The following ASXL3 variants were observed in gnomAD, a reference collection of about 807,000 sequenced individuals.
ASXL3 encodes the protein ASXL transcriptional regulator 3, also known as putative Polycomb group protein ASXL3.
Under a neutral mutation model 170.6 loss-of-function variants are expected in ASXL3, and 34 were observed. That is an observed-to-expected ratio of 0.20 (90% CI 0.15 to 0.27). The LOEUF (loss-of-function observed/expected upper bound fraction) is 0.27. ASXL3 is among the 10% of genes least tolerant of loss of function. The pLI, the probability that ASXL3 is intolerant of heterozygous loss-of-function variation, is 1.00. For missense variants in ASXL3, 2,592 were observed against 2,695.3 expected (o/e 0.96, Z 0.85); for synonymous variants, 1,002 against 989.1 (o/e 1.01, Z -0.24).
chr18:33,586,227 A>G (rs1428256966), intron 1 of ASXL3, among the ~76,000 whole-genome samples: 1 of 152,114 alleles, frequency 6.6e-6, no homozygotes, highest in Non-Finnish European at 1.5e-5. Flanking sequence ...ATGTCAAAAT[A>G]AATTACTACA....
rs1483332982 is a variant in ASXL3, at chr18:33,740,030, G to A, written c.2626G>A (p.Val876Met). The A allele has an allele frequency of 6.2e-7, 1 of 1,613,834 alleles. No homozygotes were observed. Reference protein sequence around the residue: ...HSVLQRTEKKVLPSPLELSVF... With the variant: ...HSVLQRTEKKMLPSPLELSVF... ...CGTCCTGCAAAGAACAGAAAAAAAAGTGTTACCTTCACCATTGGAATTATC... is the reference window on the plus strand; with the variant it reads ...CGTCCTGCAAAGAACAGAAAAAAAAATGTTACCTTCACCATTGGAATTATC... The change falls in exon 11 of 12, where the codon GTG (valine) becomes ATG (methionine). Residue 876 changes from valine to methionine, a missense_variant. Transcript: ENST00000269197.
intron 8 of ASXL3, among the ~76,000 whole-genome samples, chr18:33,704,595 C>T (rs777274074): frequency 6.6e-6 from 1 of 151,948 alleles, no homozygotes; most frequent in Non-Finnish European, 1.5e-5. Flanking sequence ...AATCTAGAAG[C>T]AGTCAGATAT....
chr18:33,580,856 C>T (rs987442968), intron 1 of ASXL3, among the ~76,000 whole-genome samples: 1 of 151,956 alleles, frequency 6.6e-6, no homozygotes, highest in South Asian at 2.1e-4. Context: ...GTTATTTTTC[C>T]CCTGGTAGTT....
rs2065269503 is a variant in ASXL3, at chr18:33,607,620, A to C, written c.81A>C (p.Pro27=). 4 of 1,590,446 alleles carry C rather than the reference A, an allele frequency of 2.5e-6. No individual in the cohort carries two copies. Among genetic ancestry groups the C allele is most frequent in the Admixed American group, 1.8e-5 (1 of 57,106 alleles). ...CACTAGAAAAACACCCCAACTCACC[A>C]ATGACAGCAAAGCAGATATTGGAAG... is the stretch of plus-strand genomic sequence containing the variant. The part of the protein sequence containing the change: ...RLALEKHPNS[P]MTAKQILEVI... The change falls in exon 2 of 12, where the codon CCA becomes CCC. Residue 27 remains proline (P), a synonymous_variant. Coordinates refer to ENST00000269197, the MANE Select transcript of ASXL3 (RefSeq NM_030632.3).
chr18:33,615,641 G>A (rs1444773516), intron 2 of ASXL3, among the ~76,000 whole-genome samples: 2 of 152,030 alleles, frequency 1.3e-5, no homozygotes, highest in Non-Finnish European at 2.9e-5. Flanking sequence ...CACAAAACAT[G>A]AAGTATCCCT....
At chr18:33,660,353 C>T (rs1159471417) in intron 4 of ASXL3, among the ~76,000 whole-genome samples, 2 of 151,960 alleles carry the variant, frequency 1.3e-5, no homozygotes, top group Non-Finnish European at 2.9e-5. Context: ...TATTTTCTTC[C>T]CAGAATTGCC....
intron 2 of ASXL3, among the ~76,000 whole-genome samples, chr18:33,610,252 CATA>C (rs2065313325): frequency 6.6e-6 from 1 of 151,974 alleles, no homozygotes; most frequent in Non-Finnish European, 1.5e-5. Flanking sequence ...TGAAGTCAAA[CATA>C]AGCTGATTGA....
At position 33,739,621 on chromosome 18, in the gene ASXL3, GACC is replaced by G. The variant is rs1399211505; in HGVS notation, c.2220_2222del (p.Thr741del). The G allele has an allele frequency of 6.2e-7, 1 of 1,613,842 alleles. No homozygotes were observed. The highest frequency in any genetic ancestry group is 8.5e-7 in the Non-Finnish European group (1 of 1,179,864). On this transcript the variant is annotated inframe_deletion, in exon 11 of 12. Transcript: ENST00000269197. ...TGTCTTCCATGCTTCTCACCTCTGA[GACC>G]ACTTTTGTATCCAGTTTGCCACTTC...
At chr18:33,736,140 TG>T (rs1179613941) in intron 10 of ASXL3, among the ~76,000 whole-genome samples, 1 of 152,176 alleles carries the variant, frequency 6.6e-6, no homozygotes, top group African/African-American at 2.4e-5. Context: ...ATAACTTGCT[TG>T]GGGTCTTAAT....
intron 1 of ASXL3, among the ~76,000 whole-genome samples, chr18:33,590,136 G>GT (rs1174377924): frequency 1.3e-4 from 7 of 54,588 alleles, no homozygotes; most frequent in Non-Finnish European, 2.7e-4. Flanking sequence ...TTTTTGCTTT[G>GT]TTTTTTTCTT....
intron 8 of ASXL3, among the ~76,000 whole-genome samples, chr18:33,712,190 T>C (rs1258731133): frequency 1.3e-5 from 2 of 152,208 alleles, no homozygotes; most frequent in Non-Finnish European, 2.9e-5. Context: ...TTTGGCTGTT[T>C]GTTTTCCACC....
intron 4 of ASXL3, among the ~76,000 whole-genome samples, chr18:33,650,901 A>T (rs1183783602): frequency 6.6e-6 from 1 of 152,148 alleles, no homozygotes; most frequent in Non-Finnish European, 1.5e-5. Context: ...ATAGCTTATT[A>T]ATCTAGCCTT....
At chr18:33,600,900 GT>G (rs2145112775) in intron 1 of ASXL3, among the ~76,000 whole-genome samples, 1 of 152,234 alleles carries the variant, frequency 6.6e-6, no homozygotes, top group South Asian at 2.1e-4. Context: ...TTGCTTGAAA[GT>G]TTCAGTATAT....
rs778212426 is a variant in ASXL3, at chr18:33,743,833, A to G, written c.3985A>G (p.Ser1329Gly). The G allele has an allele frequency of 2.5e-6, 4 of 1,614,062 alleles. No homozygotes were observed. In the Admixed American group the frequency reaches 5.0e-5, roughly 20 times the overall value. ...DDKQLLISSSSASNLVSTQYT... is the reference protein window; with the variant it reads ...DDKQLLISSSGASNLVSTQYT... ...TAAGCAGTTACTAATATCAAGCAGC[A>G]GTGCTAGTAACTTAGTCTCCACTCA... Residue 1329 changes from serine (S) to glycine (G), a missense_variant, in exon 12 of 12, where the codon AGT becomes GGT. Physicochemically the swap from Ser to Gly is moderately conservative, Grantham distance 56 (BLOSUM62 0). Transcript: ENST00000269197.
chr18:33,646,885 G>GT (rs536258459), intron 4 of ASXL3, among the ~76,000 whole-genome samples: 2 of 147,606 alleles, frequency 1.4e-5, no homozygotes, highest in Non-Finnish European at 3.0e-5. Flanking sequence ...GGGAGCGGGG[G>GT]GGGGGGGCAT....
intron 10 of ASXL3, among the ~76,000 whole-genome samples, chr18:33,734,759 ATT>A (rs1289904247): frequency 1.3e-5 from 2 of 152,142 alleles, no homozygotes; most frequent in Non-Finnish European, 2.9e-5. Context: ...TAGATAAATA[ATT>A]TTAGTCATGT....
At chr18:33,623,169 C>T (rs1326710412) in intron 2 of ASXL3, among the ~76,000 whole-genome samples, 1 of 152,156 alleles carries the variant, frequency 6.6e-6, no homozygotes, top group African/African-American at 2.4e-5. Flanking sequence ...TCTTTCACTC[C>T]TTTAGCTTCA....
chr18:33,586,446 A>G (rs1467022403), intron 1 of ASXL3, among the ~76,000 whole-genome samples: 1 of 151,786 alleles, frequency 6.6e-6, no homozygotes, highest in Admixed American at 6.6e-5. Context: ...TTGCAGTTAG[A>G]AATTGTTGTA....
In ASXL3 at chr18:33,646,257, T is replaced by C. The variant is rs1370208118; in HGVS notation, c.259T>C (p.Ser87Pro). 2 of 1,611,112 alleles carry C rather than the reference T, an allele frequency of 1.2e-6. No homozygotes were observed. Among genetic ancestry groups the C allele is most frequent in the East Asian group, 4.5e-5 (2 of 44,764 alleles). ...GLYALKKEES[S>P]CPADGTLDLV... Reference sequence around the variant, plus strand: ...CAAAATAATACAGAAAGAGGAGTCGTCATGCCCAGCAGATGGCACGTTGGA... The same window carrying C: ...CAAAATAATACAGAAAGAGGAGTCGCCATGCCCAGCAGATGGCACGTTGGA... Residue 87 changes from serine (S) to proline (P), a missense_variant, in exon 4 of 12, where the codon TCA (serine) becomes CCA (proline). By Grantham distance (74) the Ser-to-Pro change is moderately conservative. This residue lies in a region of ASXL3 where 251 missense variants were observed against 281.9 expected (regional missense o/e 0.89). Transcript: ENST00000269197.
Sources: allele counts gnomAD v4.1 joint callset (sites outside exome capture counted in the v4.1 genomes callset), GRCh38; gene constraint gnomAD v4.1.1; regional missense constraint gnomAD v4.1.1; transcripts MANE v1.5; gene names NCBI Gene and HGNC (gene_info 2026-07-23, HGNC 2026-07-21).